CCSER1: variants seen among roughly 807,000 people sequenced by gnomAD.
CCSER1 encodes the protein serine-rich coiled-coil domain-containing protein 1.
Under a neutral mutation model 82.0 loss-of-function variants are expected in CCSER1, and 41 were observed. The ratio of observed to expected loss-of-function variants is 0.50; its 90% CI spans 0.39 to 0.65. The LOEUF (loss-of-function observed/expected upper bound fraction) is 0.65, where lower values mean the gene tolerates loss of function less well. Ranked by LOEUF, CCSER1 falls within the 30% of genes least tolerant of loss-of-function variation. CCSER1 has a pLI of 0.00. For synonymous variants in CCSER1, 414 were observed against 383.9 expected, an observed-to-expected ratio of 1.08 and a Z score of -0.92; for missense variants, 1,119 against 1,064.2, an observed-to-expected ratio of 1.05 and a Z score of -0.72.
At chr4:90,267,515 A>G (rs952068315) in intron 1 of CCSER1, among the ~76,000 whole-genome samples, 3 of 152,138 alleles carry the variant, frequency 2.0e-5, no homozygotes, top group African/African-American at 7.2e-5. Context: ...GGTAGTGGCT[A>G]TAGCAGGCCT....
intron 4 of CCSER1, among the ~76,000 whole-genome samples, chr4:90,438,978 T>C (rs1286314077): frequency 6.6e-6 from 1 of 152,178 alleles, no homozygotes; most frequent in East Asian, 1.9e-4. Context: ...ACTGGCATGC[T>C]ATTATGCTAT....
At chr4:90,692,359 A>C (rs940040977) in intron 6 of CCSER1, among the ~76,000 whole-genome samples, 1 of 151,912 alleles carries the variant, frequency 6.6e-6, no homozygotes, top group Non-Finnish European at 1.5e-5. Context: ...AATTTTTGGC[A>C]TCTGCTTTAA....
intron 1 of CCSER1, among the ~76,000 whole-genome samples, chr4:90,145,427 A>G (rs914698509): frequency 3.3e-5 from 5 of 152,060 alleles, no homozygotes; most frequent in African/African-American, 1.2e-4. Flanking sequence ...TTAAAATACA[A>G]TTTCATTGCT....
chr4:90,669,397 G>A (rs1320931109), intron 6 of CCSER1, among the ~76,000 whole-genome samples: 1 of 152,004 alleles, frequency 6.6e-6, no homozygotes, highest in Non-Finnish European at 1.5e-5. Context: ...CCTGTTTATA[G>A]GAAAGAAGAC....
chr4:90,180,630 C>T (rs1341179664), intron 1 of CCSER1, among the ~76,000 whole-genome samples: 2 of 152,024 alleles, frequency 1.3e-5, no homozygotes, highest in African/African-American at 2.4e-5. Flanking sequence ...AAACTCTTCC[C>T]TCTGTGACTT....
At chr4:90,643,896 C>A (rs1053844658) in intron 6 of CCSER1, among the ~76,000 whole-genome samples, 1 of 152,168 alleles carries the variant, frequency 6.6e-6, no homozygotes, top group African/African-American at 2.4e-5. Flanking sequence ...AATGTTACTT[C>A]TCTTTCCCCC....
chr4:90,798,079 G>C (rs540436955), intron 7 of CCSER1, among the ~76,000 whole-genome samples: 16 of 152,258 alleles, frequency 1.1e-4, no homozygotes, highest in African/African-American at 3.6e-4. Flanking sequence ...TTCCAAGTTG[G>C]CTCTATTCTC....
intron 5 of CCSER1, among the ~76,000 whole-genome samples, chr4:90,544,835 A>C (rs1776565304): frequency 6.6e-6 from 1 of 152,150 alleles, no homozygotes; most frequent in Non-Finnish European, 1.5e-5. Flanking sequence ...AAGACAAGAC[A>C]TGAATTTGGG....
intron 8 of CCSER1, among the ~76,000 whole-genome samples, chr4:90,880,379 T>C (rs959172446): frequency 6.6e-6 from 1 of 152,176 alleles, no homozygotes; most frequent in East Asian, 1.9e-4. Flanking sequence ...GGAGGGGCTA[T>C]GCTGTGGGTC....
intron 10 of CCSER1, among the ~76,000 whole-genome samples, chr4:91,391,917 T>C (rs951309619): frequency 6.6e-6 from 1 of 152,140 alleles, no homozygotes; most frequent in African/African-American, 2.4e-5. Flanking sequence ...GAAAAATTAT[T>C]ATATACATTT....
intron 1 of CCSER1, among the ~76,000 whole-genome samples, chr4:90,157,571 T>A (rs1728504166): frequency 1.3e-5 from 2 of 152,166 alleles, no homozygotes; most frequent in African/African-American, 4.8e-5. Flanking sequence ...CTTTGTTCGT[T>A]TCTTTTTATT....
chr4:91,377,196 G>A (rs1002797742), intron 10 of CCSER1, among the ~76,000 whole-genome samples: 6 of 152,102 alleles, frequency 3.9e-5, no homozygotes, highest in African/African-American at 1.2e-4. Context: ...TGTGAATAGT[G>A]CCGCAATAAA....
At chr4:91,428,848 A>G (rs1467786137) in intron 10 of CCSER1, among the ~76,000 whole-genome samples, 1 of 152,014 alleles carries the variant, frequency 6.6e-6, no homozygotes, top group African/African-American at 2.4e-5. Context: ...TCATCACTCT[A>G]TTGTCTGTCT....
intron 3 of CCSER1, among the ~76,000 whole-genome samples, chr4:90,362,565 A>G (rs890689343): frequency 3.3e-5 from 5 of 152,216 alleles, no homozygotes; most frequent in African/African-American, 1.2e-4. Context: ...TTTCTTCAGA[A>G]AAGGAGAATA....
chr4:91,389,429 C>T (rs1292354960), intron 10 of CCSER1, among the ~76,000 whole-genome samples: 1 of 151,916 alleles, frequency 6.6e-6, no homozygotes, highest in Admixed American at 6.6e-5. Flanking sequence ...CATTCCATTA[C>T]CTATTTGCTT....
chr4:90,932,889 AGAAG>A (rs796716530), intron 9 of CCSER1, among the ~76,000 whole-genome samples: 1 of 49,664 alleles, frequency 2.0e-5, no homozygotes, highest in Non-Finnish European at 3.9e-5. Context: ...AAGGAAAGAA[AGAAG>A]GAAGGAGAAA....
At chr4:91,405,713 A>G (rs905375525) in intron 10 of CCSER1, among the ~76,000 whole-genome samples, 3 of 152,142 alleles carry the variant, frequency 2.0e-5, no homozygotes, top group Non-Finnish European at 4.4e-5. Flanking sequence ...GCCATTTGCT[A>G]AGACCGTTGG....
chr4:90,981,868 G>A (rs1173792155), intron 9 of CCSER1, among the ~76,000 whole-genome samples: 1 of 151,360 alleles, frequency 6.6e-6, no homozygotes, highest in African/African-American at 2.4e-5. Context: ...CTAAGGCTAA[G>A]AGAAGTAAAG....
intron 7 of CCSER1, among the ~76,000 whole-genome samples, chr4:90,789,834 T>C (rs1754998368): frequency 6.6e-6 from 1 of 152,200 alleles, no homozygotes; most frequent in South Asian, 2.1e-4. Context: ...GTCTTGAGTA[T>C]GTCTTTATCA....
Sources: allele counts gnomAD v4.1 joint callset (sites outside exome capture counted in the v4.1 genomes callset), GRCh38; gene constraint gnomAD v4.1.1; transcripts MANE v1.5; gene names NCBI Gene and HGNC (gene_info 2026-07-23, HGNC 2026-07-21).